Variants in AIG1 observed in about 807,000 individuals in gnomAD.
The protein encoded by AIG1 is androgen induced 1.
AIG1 carries 23 observed loss-of-function variants against 31.4 expected under a neutral mutation model. That is an observed-to-expected ratio of 0.73 (90% CI 0.53 to 1.04). The LOEUF (loss-of-function observed/expected upper bound fraction) is 1.04, where lower values mean the gene tolerates loss of function less well. Among genes scored for constraint, AIG1 ranks in the 50% least tolerant of loss-of-function variants. The probability of loss-of-function intolerance (pLI) is 0.00; values close to 1 mark genes in which losing one functional copy is unlikely to be tolerated. For synonymous variants in AIG1, 100 were observed against 110.5 expected, an observed-to-expected ratio of 0.90 and a Z score of 0.60; for missense variants, 274 against 295.0, an observed-to-expected ratio of 0.93 and a Z score of 0.52.
intron 3 of AIG1, among the ~76,000 whole-genome samples, chr6:143,237,306 A>C (rs894858707): frequency 7.9e-5 from 12 of 152,318 alleles, no homozygotes; most frequent in African/African-American, 2.9e-4. Context: ...TGAAGCTTAT[A>C]ATGTAGTTGA....
intron 3 of AIG1, among the ~76,000 whole-genome samples, chr6:143,194,981 G>T (rs1790105006): frequency 6.6e-6 from 1 of 152,218 alleles, no homozygotes; most frequent in Admixed American, 6.5e-5. Context: ...CATAGTAAGA[G>T]ATTTACCCAT....
chr6:143,150,697 G>A (rs1261373584), intron 2 of AIG1, among the ~76,000 whole-genome samples: 3 of 152,028 alleles, frequency 2.0e-5, no homozygotes, highest in Non-Finnish European at 4.4e-5. Context: ...AGCAAAAAAA[G>A]GGTAGTAAGA....
intron 5 of AIG1, chr6:143,335,019 A>T: frequency 7.8e-7 from 1 of 1,281,672 alleles, no homozygotes; most frequent in African/African-American, 1.5e-5. Context: ...GTAACATAAG[A>T]TTGACTAACT....
intron 3 of AIG1, among the ~76,000 whole-genome samples, chr6:143,281,308 A>C (rs1797326610): frequency 1.3e-5 from 2 of 152,320 alleles, no homozygotes; most frequent in African/African-American, 4.8e-5. Flanking sequence ...TGAAGATTAA[A>C]TTATCTGGAA....
intron 1 of AIG1, among the ~76,000 whole-genome samples, chr6:143,062,971 C>T (rs4896620): frequency 0.046 from 6,940 of 152,238 alleles, 382 homozygotes; most frequent in Admixed American, 0.17. Context: ...CTCAGCATCA[C>T]TCTTGCAGTA....
intron 3 of AIG1, among the ~76,000 whole-genome samples, chr6:143,177,496 T>C (rs1044110469): frequency 1.3e-5 from 2 of 152,230 alleles, no homozygotes; most frequent in African/African-American, 4.8e-5. Flanking sequence ...AATATACAGT[T>C]GGGTAAGGTG....
chr6:143,124,210 G>T (rs922190532), intron 1 of AIG1, among the ~76,000 whole-genome samples: 1 of 152,186 alleles, frequency 6.6e-6, no homozygotes, highest in Non-Finnish European at 1.5e-5. Context: ...CAGAAAGGCC[G>T]ATGTTGAGCT....
rs1307578615 is a variant in AIG1 at position 143,299,596 on chromosome 6, A to T, written c.515+15371A>T. On this transcript the variant is annotated intron_variant, in intron 4 of 5. Coordinates refer to ENST00000357847, the MANE Select transcript of AIG1 (RefSeq NM_016108.4). This position sits in a 1 kb window ranked among gnomAD's most constrained non-coding sequence, Gnocchi z 4.1. ...ATGAAATACCCATATGCTTAAAGAG[A>T]GAAATGAGTAGCAGAGGGATTTCAA... The T allele has an allele frequency of 1.3e-5, 2 of 152,234 alleles. No individual in the cohort carries two copies. The highest frequency in any genetic ancestry group is 3.8e-4 in the East Asian group (2 of 5,202). 9.4% of individuals were successfully genotyped at this position (152,234 alleles called of 1,614,324 possible). A position where few individuals can be genotyped will look rare whatever the true frequency, so the allele number is the denominator to read the frequency against.
intron 3 of AIG1, among the ~76,000 whole-genome samples, chr6:143,283,089 C>A (rs1007927849): frequency 6.6e-6 from 1 of 152,152 alleles, no homozygotes; most frequent in Non-Finnish European, 1.5e-5. Context: ...TATATCCTGG[C>A]CCAGTTTTAT....
intron 3 of AIG1, among the ~76,000 whole-genome samples, chr6:143,211,963 T>A (rs1211264227): frequency 6.6e-6 from 1 of 152,160 alleles, no homozygotes; most frequent in Non-Finnish European, 1.5e-5. Context: ...CTACTTGTTC[T>A]GAATGTCCTT....
chr6:143,127,244 A>G (rs889985866), intron 1 of AIG1, among the ~76,000 whole-genome samples: 14 of 152,156 alleles, frequency 9.2e-5, no homozygotes, highest in African/African-American at 2.4e-4. Context: ...TATGACACCA[A>G]TAAATCTCAC....
At chr6:143,114,731 T>C (rs528861326) in intron 1 of AIG1, among the ~76,000 whole-genome samples, 3 of 152,350 alleles carry the variant, frequency 2.0e-5, no homozygotes, top group African/African-American at 7.2e-5. Flanking sequence ...AGTATCATGA[T>C]TGTCAGTTAT....
intron 1 of AIG1, among the ~76,000 whole-genome samples, chr6:143,090,047 AGAGTT>A (rs1332400942): frequency 6.6e-6 from 1 of 152,214 alleles, no homozygotes; most frequent in African/African-American, 2.4e-5. Flanking sequence ...ACAAGAATGA[AGAGTT>A]GAGTTGGTTC....
chr6:143,300,598 T>TA (rs1304374203), intron 4 of AIG1, among the ~76,000 whole-genome samples: 4 of 152,242 alleles, frequency 2.6e-5, no homozygotes, highest in Non-Finnish European at 4.4e-5. Flanking sequence ...ATGCCTTCCC[T>TA]AACCATTGCT....
chr6:143,112,708 C>T (rs1055191645), intron 1 of AIG1, among the ~76,000 whole-genome samples: 4 of 152,086 alleles, frequency 2.6e-5, no homozygotes, highest in Admixed American at 6.6e-5. Flanking sequence ...GAAATATGGA[C>T]GGACAAATAA....
At chr6:143,103,308 T>C (rs1780473184) in intron 1 of AIG1, among the ~76,000 whole-genome samples, 1 of 152,070 alleles carries the variant, frequency 6.6e-6, no homozygotes, top group African/African-American at 2.4e-5. Context: ...CAATTATTGT[T>C]GGATTCTAAG....
intron 1 of AIG1, among the ~76,000 whole-genome samples, chr6:143,127,873 A>G (rs1314789048): frequency 6.6e-6 from 1 of 152,078 alleles, no homozygotes; most frequent in African/African-American, 2.4e-5. Context: ...TTTTTAGTAG[A>G]GATGGAGTTT....
In AIG1 at chr6:143,122,038, A is replaced by G. The variant is rs555843340; in HGVS notation, c.142-14797A>G. Among the ~76,000 whole-genome samples the G allele has an allele frequency of 2.0e-5, 3 of 152,050 alleles. No individual in the cohort carries two copies. In the East Asian group the frequency reaches 5.8e-4, roughly 29 times the overall value. Reference sequence around the variant, plus strand: ...CCTTATAAAGCAGCATAAATTATGTATTTTCTTTGTTCTGAGTTCTTAGAG... The same window carrying G: ...CCTTATAAAGCAGCATAAATTATGTGTTTTCTTTGTTCTGAGTTCTTAGAG... On this transcript the variant is annotated intron_variant, in intron 1 of 5. Transcript: ENST00000357847.
At chr6:143,267,243 A>C (rs1318129059) in intron 3 of AIG1, among the ~76,000 whole-genome samples, 2 of 152,200 alleles carry the variant, frequency 1.3e-5, no homozygotes, top group Non-Finnish European at 2.9e-5. Flanking sequence ...ACGTTGGAGA[A>C]GGGCTTGTTA....
Sources: gnomAD v4.1 joint callset for allele counts (sites outside exome capture counted in the v4.1 genomes callset) on GRCh38, gnomAD v4.1.1 for gene constraint, Gnocchi (gnomAD v3.1) non-coding constraint, MANE v1.5 for transcripts, NCBI Gene and HGNC (gene_info 2026-07-23, HGNC 2026-07-21) for gene names.